The following CALD1 variants were observed in gnomAD, a reference collection of about 807,000 sequenced individuals.
CALD1 encodes the protein caldesmon.
CALD1 carries 33 observed loss-of-function variants against 99.9 expected under a neutral mutation model. The observed-to-expected ratio is 0.33, with a 90% CI of 0.25 to 0.44. The LOEUF is 0.44. Among genes scored for constraint, CALD1 ranks in the 20% least tolerant of loss-of-function variants. The probability of loss-of-function intolerance (pLI) is 1.00; values close to 1 mark genes in which losing one functional copy is unlikely to be tolerated. For missense variants in CALD1, 861 were observed against 962.1 expected, an observed-to-expected ratio of 0.89 and a Z score of 1.39; for synonymous variants, 310 against 325.0, an observed-to-expected ratio of 0.95 and a Z score of 0.50.
intron 3 of CALD1, among the ~76,000 whole-genome samples, chr7:134,893,440 C>G (rs113502319): frequency 1.3e-5 from 2 of 152,286 alleles, no homozygotes; most frequent in East Asian, 3.9e-4. Flanking sequence ...CATAATTTTA[C>G]CAGATTCTGC....
chr7:134,928,203 G>A (rs1395666232), intron 3 of CALD1: 8 of 170,680 alleles, frequency 4.7e-5, no homozygotes, highest in South Asian at 2.2e-4. Flanking sequence ...AGGCCGAGGC[G>A]GGCGGATCAT....
chr7:134,776,810 C>G (rs1454897707), upstream of CALD1, among the ~76,000 whole-genome samples: 1 of 152,040 alleles, frequency 6.6e-6, no homozygotes, highest in Non-Finnish European at 1.5e-5. Flanking sequence ...AAAAAAATGG[C>G]CTATTTTTAC....
chr7:134,713,855 G>C, the CALD1 span, among the ~76,000 whole-genome samples: 2 of 152,168 alleles, frequency 1.3e-5, no homozygotes, highest in Non-Finnish European at 2.9e-5. Context: ...GAGAAAAAGT[G>C]TCTTGAACTG....
In CALD1 at chr7:134,929,656, A is replaced by G. The variant is rs867410103; in HGVS notation, c.218+756A>G. On this transcript the variant is annotated intron_variant, in intron 4 of 14. Transcript: ENST00000361675. ...TGTGTGTGTGTGTGTGTATATATATATATATATATATATACACCACATTTT... is the reference window on the plus strand; with the variant it reads ...TGTGTGTGTGTGTGTGTATATATATGTATATATATATATACACCACATTTT... Among the ~76,000 whole-genome samples the G allele has an allele frequency of 2.1e-3, 225 of 105,848 alleles. 9 individuals carry two copies. The highest frequency in any genetic ancestry group is 7.4e-3 in the African/African-American group (190 of 25,734). The allele number at this position is 105,848 out of a possible 152,430, so 69.4% of individuals were successfully genotyped here.
intron 1 of CALD1, among the ~76,000 whole-genome samples, chr7:134,760,264 C>T (rs543263433): frequency 1.3e-5 from 2 of 152,322 alleles, no homozygotes; most frequent in African/African-American, 4.8e-5. Flanking sequence ...TAGCATAACC[C>T]CGCTTGCACA....
intron 1 of CALD1, among the ~76,000 whole-genome samples, chr7:134,785,706 C>T (rs1483895714): frequency 6.6e-6 from 1 of 152,120 alleles, no homozygotes; most frequent in African/African-American, 2.4e-5. Flanking sequence ...CTAGGGTTAG[C>T]ATCAAAGGCT....
chr7:134,800,563 T>C (rs1797906161), intron 1 of CALD1, among the ~76,000 whole-genome samples: 2 of 152,140 alleles, frequency 1.3e-5, no homozygotes, highest in African/African-American at 4.8e-5. Context: ...TATTTACTTA[T>C]TACATAAATT....
At chr7:134,714,039 A>T in the CALD1 span, among the ~76,000 whole-genome samples, 1 of 152,122 alleles carries the variant, frequency 6.6e-6, no homozygotes, top group Non-Finnish European at 1.5e-5. Context: ...GTTGTTTAAA[A>T]GTGTGTAGAA....
intron 3 of CALD1, among the ~76,000 whole-genome samples, chr7:134,906,859 T>C (rs1430950711): frequency 2.0e-5 from 3 of 152,176 alleles, no homozygotes; most frequent in African/African-American, 7.2e-5. Flanking sequence ...TTAAAGTCTC[T>C]CTAGTAGGCT....
Position 134,965,375 on chromosome 7 carries a change from T to TC in CALD1, c.2370dup (p.Thr791HisfsTer2). The TC allele has an allele frequency of 1.3e-6, 2 of 1,516,592 alleles. No individual in the cohort carries two copies. Among genetic ancestry groups the TC allele is most frequent in the Non-Finnish European group, 1.8e-6 (2 of 1,090,984 alleles). 93.9% of individuals were successfully genotyped at this position (1,516,592 alleles called of 1,614,324 possible). ...AAAGCAATCTGTGGATAAGGTCACT[T>TC]CCCCCACTAAGGTAATCTATTGGGA... On this transcript the variant is annotated frameshift_variant, in exon 14 of 15. Coordinates refer to ENST00000361675, the MANE Select transcript of CALD1 (RefSeq NM_033138.4). LOFTEE classifies it high-confidence loss of function.
chr7:134,891,854 C>T (rs1248913574), intron 3 of CALD1, among the ~76,000 whole-genome samples: 1 of 150,774 alleles, frequency 6.6e-6, no homozygotes, highest in Non-Finnish European at 1.5e-5. Context: ...CTGAAACTTT[C>T]TGGTTTCCAC....
At chr7:134,873,028 C>CA (rs901489119) in intron 3 of CALD1, among the ~76,000 whole-genome samples, 25 of 150,776 alleles carry the variant, frequency 1.7e-4, no homozygotes, top group Admixed American at 3.3e-4. Context: ...ACTAAAAATA[C>CA]AAAAAAAAAT....
intron 6 of CALD1, among the ~76,000 whole-genome samples, chr7:134,938,435 A>C (rs770671654): frequency 2.0e-5 from 3 of 152,170 alleles, no homozygotes; most frequent in Admixed American, 6.5e-5. Flanking sequence ...TTCAAAACCC[A>C]AATGATCCCA....
At chr7:134,944,606 T>C (rs1430887624) in intron 7 of CALD1, 1 of 152,164 alleles carries the variant, frequency 6.6e-6, no homozygotes, top group Non-Finnish European at 1.5e-5. Flanking sequence ...TTCCTCTTGT[T>C]TCACAGCTAG....
chr7:134,737,334 T>C, the CALD1 span, among the ~76,000 whole-genome samples: 1 of 152,022 alleles, frequency 6.6e-6, no homozygotes, highest in Non-Finnish European at 1.5e-5. Context: ...TTGCCAACTT[T>C]CCCAGGCTGG....
chr7:134,847,854 C>T (rs1167628739), intron 2 of CALD1, among the ~76,000 whole-genome samples: 2 of 152,042 alleles, frequency 1.3e-5, no homozygotes, highest in African/African-American at 4.8e-5. Context: ...TTTTTTTCCC[C>T]ATAAGCGCAA....
the CALD1 span, among the ~76,000 whole-genome samples, chr7:134,733,856 G>T: frequency 1.3e-5 from 2 of 149,996 alleles, no homozygotes; most frequent in Non-Finnish European, 3.0e-5. Flanking sequence ...TCTGCTAAAT[G>T]ATATTAAATT....
At chr7:134,859,673 G>A (rs1446343353) in intron 2 of CALD1, among the ~76,000 whole-genome samples, 1 of 152,092 alleles carries the variant, frequency 6.6e-6, no homozygotes, top group Non-Finnish European at 1.5e-5. Context: ...CTTCAAATGG[G>A]GTTGAATTGA....
At chr7:134,891,309 GT>G (rs1275114454) in intron 3 of CALD1, 1 of 1,019,406 alleles carries the variant, frequency 9.8e-7, no homozygotes, top group East Asian at 4.2e-5. Context: ...GAAGCAATCA[GT>G]GCTCTCTGAT....
Sources: allele counts gnomAD v4.1 joint callset (sites outside exome capture counted in the v4.1 genomes callset), GRCh38; gene constraint gnomAD v4.1.1; transcripts MANE v1.5; gene names NCBI Gene and HGNC (gene_info 2026-07-23, HGNC 2026-07-21).